The following ZNF285 variants were observed in gnomAD, a reference collection of about 807,000 sequenced individuals.
ZNF285 encodes the protein zinc finger protein 285.
ZNF285 carries 4 observed loss-of-function variants against 6.2 expected under a neutral mutation model. That is an observed-to-expected ratio of 0.65 (90% CI 0.32 to 1.49). ZNF285 has a LOEUF of 1.49. Ranked by LOEUF, ZNF285 falls within the 40% of genes most tolerant of loss-of-function variation. The probability of loss-of-function intolerance (pLI) is 0.07; values close to 1 mark genes in which losing one functional copy is unlikely to be tolerated. For missense variants in ZNF285, 695 were observed against 708.8 expected (o/e 0.98, Z 0.22); for synonymous variants, 240 against 245.8 (o/e 0.98, Z 0.22).
At chr19:44,390,350 T>C (rs1024349265) in intron 3 of ZNF285, among the ~76,000 whole-genome samples, 3 of 152,174 alleles carry the variant, frequency 2.0e-5, no homozygotes, top group Non-Finnish European at 2.9e-5. Context: ...ATGCAAGACA[T>C]AGAGTCAAAG....
chr19:44,386,351 A>C lies in ZNF285; in HGVS notation c.*121T>G, dbSNP rs1011787673. The C allele has an allele frequency of 3.7e-5, 40 of 1,082,006 alleles. No individual in the cohort carries two copies. Among genetic ancestry groups the C allele is most frequent in the African/African-American group, 2.8e-4 (18 of 63,266 alleles). 67.0% of individuals were successfully genotyped at this position (1,082,006 alleles called of 1,614,324 possible). ...GCACACTTCAGTGCTGCAGGCTGAC[A>C]TTATCGATGGCAGTGTCCCTGTCTT... is the stretch of plus-strand genomic sequence containing the variant. On this transcript the variant is annotated 3_prime_UTR_variant, in exon 4 of 4. Transcript: ENST00000614994.
At chr19:44,397,383 G>A (rs879352473) in intron 1 of ZNF285, 127 bp from the exon 2 acceptor site, 1 of 1,088,992 alleles carries the variant, frequency 9.2e-7, no homozygotes, top group Non-Finnish European at 1.4e-6. Context: ...TTCTCGCTCT[G>A]AACAGACTGA....
chr19:44,392,051 G>A (rs938694278), intron 3 of ZNF285, among the ~76,000 whole-genome samples: 6 of 152,058 alleles, frequency 3.9e-5, no homozygotes, highest in African/African-American at 1.5e-4. Context: ...AGAAATATGA[G>A]GAATGAGAGC....
chr19:44,393,178 A>G (rs1971225831), intron 2 of ZNF285, among the ~76,000 whole-genome samples: 1 of 152,184 alleles, frequency 6.6e-6, no homozygotes, highest in Non-Finnish European at 1.5e-5. Context: ...GGGATGAATT[A>G]TAGTAATGCC....
At chr19:44,396,219 C>T (rs1375605502) in intron 2 of ZNF285, among the ~76,000 whole-genome samples, 2 of 149,800 alleles carry the variant, frequency 1.3e-5, no homozygotes, top group Admixed American at 1.3e-4. Flanking sequence ...AAGAAAAAAA[C>T]TGAAAAAGAG....
intron 2 of ZNF285, among the ~76,000 whole-genome samples, chr19:44,396,238 AT>A (rs772806251): frequency 5.3e-5 from 8 of 152,166 alleles, no homozygotes; most frequent in Non-Finnish European, 1.0e-4. Flanking sequence ...AGATTAAGCA[AT>A]TCTCTTTGGC....
chr19:44,397,315 G>A (rs1317133725), intron 1 of ZNF285, 59 bp from the exon 2 acceptor site: 4 of 1,585,310 alleles, frequency 2.5e-6, no homozygotes, highest in East Asian at 2.2e-5. Context: ...ATGAACATTG[G>A]TTCCTTCCTT....
chr19:44,395,022 T>A (rs1473788213), intron 2 of ZNF285, among the ~76,000 whole-genome samples: 2 of 152,110 alleles, frequency 1.3e-5, no homozygotes, highest in African/African-American at 2.4e-5. Context: ...CATTCTCCCT[T>A]CTCTGCCTCA....
intron 3 of ZNF285, among the ~76,000 whole-genome samples, chr19:44,390,071 G>A (rs1169118616): frequency 6.6e-6 from 1 of 152,046 alleles, no homozygotes; most frequent in East Asian, 1.9e-4. Flanking sequence ...TAATTCCCAC[G>A]TGTCGTGTCC....
At position 44,388,030 on chromosome 19, in the gene ZNF285, T is replaced by C; in HGVS notation, c.215A>G (p.His72Arg). 2 of 1,614,156 alleles carry C rather than the reference T, an allele frequency of 1.2e-6. No individual in the cohort carries two copies. ...CCTTTGTTTCCAAATCTGCCAGCAATGAAGCACTTCTTGCGAAAGGTAACT... is the reference window on the plus strand; with the variant it reads ...CCTTTGTTTCCAAATCTGCCAGCAACGAAGCACTTCTTGCGAAAGGTAACT... ...GLSYLSQEVLHCWQIWKQRIR... is the reference protein window; with the variant it reads ...GLSYLSQEVLRCWQIWKQRIR... The change falls in exon 4 of 4, where the codon CAT becomes CGT. Residue 72 changes from histidine (H) to arginine (R), a missense_variant. His to Arg is a conservative substitution (Grantham distance 29). Transcript: ENST00000614994.
In ZNF285 at chr19:44,392,452, G is replaced by A; in HGVS notation, c.30C>T (p.Phe10=). The A allele has an allele frequency of 3.1e-6, 5 of 1,613,814 alleles. No individual in the cohort carries two copies. Among genetic ancestry groups the A allele is most frequent in the Middle Eastern group, 1.7e-4 (1 of 6,054 alleles). MIKFQERVT[F]KDVAVVFTKE... ...TGGTGAAGACAACAGCCACATCCTT[G>A]AATGTCACCCTTTCCTAAAACATCA... Residue 10 remains phenylalanine, a synonymous_variant, in exon 3 of 4, where the codon TTC becomes TTT. Coordinates refer to ENST00000614994, the MANE Select transcript of ZNF285 (RefSeq NM_152354.6).
intron 2 of ZNF285, among the ~76,000 whole-genome samples, chr19:44,394,293 T>G (rs1444127609): frequency 1.3e-5 from 2 of 151,816 alleles, no homozygotes; most frequent in African/African-American, 4.8e-5. Context: ...GATAGCATTA[T>G]GAGATATACC....
At chr19:44,394,267 G>A (rs146399901) in intron 2 of ZNF285, among the ~76,000 whole-genome samples, 3 of 151,960 alleles carry the variant, frequency 2.0e-5, no homozygotes, top group African/African-American at 7.3e-5. Flanking sequence ...GTTGTGGGGT[G>A]GGGGGAGTGG....
intron 2 of ZNF285, among the ~76,000 whole-genome samples, chr19:44,396,362 C>T (rs1442451226): frequency 6.6e-6 from 1 of 152,056 alleles, no homozygotes; most frequent in African/African-American, 2.4e-5. Flanking sequence ...AAAAGAAAAT[C>T]CTTCCTCCAC....
Position 44,386,861 on chromosome 19 carries a change from C to T in ZNF285, c.1384G>A (p.Gly462Arg), listed in dbSNP as rs773785531. ...GEKPYKCNVC[G>R]KDFAYSSVLH... Reference sequence around the variant, plus strand: ...ACAGAGCTATACGCAAAATCCTTTCCACACACATTGCATTTGTATGGTTTC... The same window carrying T: ...ACAGAGCTATACGCAAAATCCTTTCTACACACATTGCATTTGTATGGTTTC... Residue 462 changes from glycine to arginine, a missense_variant, in exon 4 of 4, where the codon GGA becomes AGA. Gly to Arg is a moderately radical substitution (Grantham distance 125, BLOSUM62 -2). Transcript: ENST00000614994. 2 of 1,613,724 alleles carry T rather than the reference C, an allele frequency of 1.2e-6. No individual in the cohort carries two copies. The highest frequency in any genetic ancestry group is 1.7e-5 in the Admixed American group (1 of 60,010).
rs1221153037 is a variant in ZNF285, at chr19:44,387,892, A to T, written c.353T>A (p.Ile118Asn). 6.2e-7 allele frequency: 1 copy of T among 1,613,848 alleles called. No homozygotes were observed. The highest frequency in any genetic ancestry group is 8.5e-7 in the Non-Finnish European group (1 of 1,179,880). The change falls in exon 4 of 4, where the codon ATT becomes AAT. Residue 118 changes from isoleucine (I) to asparagine (N), a missense_variant. Ile to Asn is a moderately radical substitution (Grantham distance 149). Coordinates refer to ENST00000614994, the MANE Select transcript of ZNF285 (RefSeq NM_152354.6). ...SEEWAGISLQ[I>N]SENENYVVNA... is the part of the protein sequence containing the mutation. The stretch of plus-strand genomic sequence containing the variant: ...TACTACATAGTTTTCATTTTCAGAA[A>T]TCTGAAGAGAAATGCCTGCCCACTC...
intron 1 of ZNF285, among the ~76,000 whole-genome samples, chr19:44,399,529 G>C (rs1304289879): frequency 1.3e-5 from 2 of 150,494 alleles, no homozygotes; most frequent in African/African-American, 2.5e-5. Context: ...TTATACATTA[G>C]ATGCACGTGC....
In ZNF285 at chr19:44,398,584, G is replaced by T. The variant is rs572334977; in HGVS notation, c.-43-1328C>A. On this transcript the variant is annotated intron_variant, in intron 1 of 3. Transcript: ENST00000614994. The stretch of plus-strand genomic sequence containing the variant: ...AGCCCTTCAGTCCTAAAGTCAGTAA[G>T]TTACCCTGCTATCACTAGCTCTGAA... Among the ~76,000 whole-genome samples, 697 of 152,250 alleles carry T rather than the reference G, an allele frequency of 4.6e-3. 6 individuals carry two copies. Among genetic ancestry groups the T allele is most frequent in the African/African-American group, 0.015 (643 of 41,498 alleles).
chr19:44,399,806 A>T (rs572145690), intron 1 of ZNF285, among the ~76,000 whole-genome samples: 1 of 151,850 alleles, frequency 6.6e-6, no homozygotes, highest in East Asian at 1.9e-4. Flanking sequence ...GGAAATCACA[A>T]TGGATAAGGC....
Sources: gnomAD v4.1 joint callset for allele counts (sites outside exome capture counted in the v4.1 genomes callset) on GRCh38, gnomAD v4.1.1 for gene constraint, MANE v1.5 for transcripts, NCBI Gene and HGNC (gene_info 2026-07-23, HGNC 2026-07-21) for gene names.